The following PAK5 variants were observed in gnomAD, a reference collection of about 807,000 sequenced individuals.
The protein encoded by PAK5 is serine/threonine-protein kinase PAK 5.
PAK5 carries 16 observed loss-of-function variants against 65.9 expected under a neutral mutation model. The observed-to-expected ratio is 0.24, with a 90% CI of 0.16 to 0.37. The LOEUF is 0.37. Among genes scored for constraint, PAK5 ranks in the 10% least tolerant of loss-of-function variants. The pLI is 1.00. For missense variants in PAK5, 785 were observed against 903.9 expected (o/e 0.87, Z 1.69); for synonymous variants, 371 against 354.9 (o/e 1.05, Z -0.51).
chr20:9,814,709 A>G (rs1478740302), intron 1 of PAK5, among the ~76,000 whole-genome samples: 1 of 152,186 alleles, frequency 6.6e-6, no homozygotes, highest in Non-Finnish European at 1.5e-5. Flanking sequence ...TCCATTCATA[A>G]TCTGACTATC....
chr20:9,610,650 A>G (rs2046541909), intron 3 of PAK5, among the ~76,000 whole-genome samples: 1 of 152,226 alleles, frequency 6.6e-6, no homozygotes, highest in Non-Finnish European at 1.5e-5. Context: ...CTCTGTTGAC[A>G]GGCTACATAG....
chr20:9,660,553 C>T (rs971038832), intron 2 of PAK5, among the ~76,000 whole-genome samples: 2 of 151,296 alleles, frequency 1.3e-5, no homozygotes, highest in African/African-American at 4.9e-5. Context: ...TGATAAGGCC[C>T]GTGAGAAAAA....
intron 2 of PAK5, among the ~76,000 whole-genome samples, chr20:9,696,405 T>C (rs1446459864): frequency 6.6e-6 from 1 of 152,070 alleles, no homozygotes; most frequent in Non-Finnish European, 1.5e-5. Flanking sequence ...CACATTTTTG[T>C]TTTATACAGT....
intron 1 of PAK5, among the ~76,000 whole-genome samples, chr20:9,719,357 T>C (rs1443197454): frequency 3.3e-5 from 5 of 152,202 alleles, no homozygotes; most frequent in African/African-American, 1.2e-4. Context: ...TTGAGCACTA[T>C]TTTATTTTTC....
At chr20:9,577,313 G>A (rs2045901662) in intron 4 of PAK5, 1 of 151,886 alleles carries the variant, frequency 6.6e-6, no homozygotes, top group Admixed American at 6.6e-5. Flanking sequence ...TAACATTGAA[G>A]GATTTTTTTT....
intron 3 of PAK5, among the ~76,000 whole-genome samples, chr20:9,620,179 A>G (rs1346228759): frequency 6.6e-6 from 1 of 152,232 alleles, no homozygotes; most frequent in Non-Finnish European, 1.5e-5. Flanking sequence ...ACACTCTGTA[A>G]TTAGAGCTAG....
intron 1 of PAK5, among the ~76,000 whole-genome samples, chr20:9,810,069 T>G (rs2049280329): frequency 6.6e-6 from 1 of 152,102 alleles, no homozygotes; most frequent in Admixed American, 6.6e-5. Context: ...CAGAGTTAAG[T>G]CCATGGTCAC....
rs752518907 is a variant in PAK5, at chr20:9,557,582, G to A, written c.1743+26C>T. 6.3e-6 allele frequency: 10 copies of A among 1,585,794 alleles called. 1 individual carries two copies. Among genetic ancestry groups the A allele is most frequent in the African/African-American group, 2.7e-5 (2 of 73,760 alleles). On this transcript the variant is annotated intron_variant, in intron 7 of 9. Transcript: ENST00000353224. Reference sequence around the variant, plus strand: ...CAGACAGAGTGACAAGAAAAACTACGAACGGGCCAAACATGAACATCTTAC... The same window carrying A: ...CAGACAGAGTGACAAGAAAAACTACAAACGGGCCAAACATGAACATCTTAC...
chr20:9,707,811 T>G (rs1274375640), intron 2 of PAK5, among the ~76,000 whole-genome samples: 1 of 152,170 alleles, frequency 6.6e-6, no homozygotes, highest in African/African-American at 2.4e-5. Context: ...GTGAAGCATC[T>G]GAGACTATTC....
chr20:9,700,352 A>G (rs1170275525), intron 2 of PAK5, among the ~76,000 whole-genome samples: 3 of 152,192 alleles, frequency 2.0e-5, no homozygotes, highest in Non-Finnish European at 2.9e-5. Flanking sequence ...TTGAGGCTGC[A>G]GTGAGCTGTG....
chr20:9,784,471 A>G (rs1386355216), intron 1 of PAK5: 1 of 152,210 alleles, frequency 6.6e-6, no homozygotes, highest in Non-Finnish European at 1.5e-5. Flanking sequence ...AGTAAGAGCC[A>G]TGGGGCTGGA....
chr20:9,731,637 A>C (rs2048335855), intron 1 of PAK5, among the ~76,000 whole-genome samples: 2 of 152,246 alleles, frequency 1.3e-5, no homozygotes, highest in Non-Finnish European at 2.9e-5. Context: ...ATGTTGATAG[A>C]AATTATACTA....
intron 1 of PAK5, among the ~76,000 whole-genome samples, chr20:9,717,913 C>A: frequency 6.6e-6 from 1 of 152,194 alleles, no homozygotes; most frequent in Non-Finnish European, 1.5e-5. Context: ...AGCCACAGCG[C>A]TCGGCCGCCA....
chr20:9,729,686 C>T (rs1216416168), intron 1 of PAK5, among the ~76,000 whole-genome samples: 1 of 152,134 alleles, frequency 6.6e-6, no homozygotes, highest in Non-Finnish European at 1.5e-5. Flanking sequence ...CAGCAGTCCT[C>T]TTGGACCATG....
intron 2 of PAK5, among the ~76,000 whole-genome samples, chr20:9,661,516 C>T (rs1472806279): frequency 6.6e-6 from 1 of 152,130 alleles, no homozygotes; most frequent in Non-Finnish European, 1.5e-5. Context: ...TGAATTGTCT[C>T]CAATGACTAT....
rs80128348 is a variant in PAK5, at chr20:9,586,254, G to C, written c.205-5324C>G. 5.8e-3 allele frequency among the ~76,000 whole-genome samples: 884 copies of C among 152,174 alleles called. 6 individuals are homozygous for C. Among genetic ancestry groups the C allele is most frequent in the African/African-American group, 0.021 (862 of 41,538 alleles). ...TCACCACTAGGACACAGGTAATTTA[G>C]AAGGAAAAAAAATCATTCCCTGTGT... On this transcript the variant is annotated intron_variant, in intron 3 of 9. Transcript: ENST00000353224.
Position 9,650,604 on chromosome 20 carries a change from A to G in PAK5, c.-11-6265T>C, listed in dbSNP as rs573922792. 2.8e-4 allele frequency among the ~76,000 whole-genome samples: 43 copies of G among 152,214 alleles called. No individual in the cohort carries two copies. In the South Asian group the frequency reaches 7.5e-3, roughly 26 times the overall value. On this transcript the variant is annotated intron_variant, in intron 2 of 9. Transcript: ENST00000353224. ...CAGTTTTCAGTCCCTGTGGGGCTAG[A>G]TGTGACATCTTCCTGCAGTTTTTAG...
At chr20:9,558,885 G>A (rs2045551981) in intron 6 of PAK5, among the ~76,000 whole-genome samples, 1 of 152,212 alleles carries the variant, frequency 6.6e-6, no homozygotes. Context: ...CTTCTCCACA[G>A]TTTTAGAGGG....
In PAK5 at chr20:9,735,666, A is replaced by T. The variant is rs148189388; in HGVS notation, c.-161-24231T>A. On this transcript the variant is annotated intron_variant, in intron 1 of 9. Transcript: ENST00000353224. The stretch of plus-strand genomic sequence containing the variant: ...AATAGAAACAAAAACAACAAAAAAC[A>T]GCTTCCATGTAACTTAACTGTGTCT... Among the ~76,000 whole-genome samples, 25 of 152,218 alleles carry T rather than the reference A, an allele frequency of 1.6e-4. No individual in the cohort carries two copies. The East Asian group carries it at 4.5e-3, about 27-fold the overall frequency.
Sources: gnomAD v4.1 joint callset for allele counts (sites outside exome capture counted in the v4.1 genomes callset) on GRCh38, gnomAD v4.1.1 for gene constraint, MANE v1.5 for transcripts, NCBI Gene and HGNC (gene_info 2026-07-23, HGNC 2026-07-21) for gene names.